NUP153: variants seen among roughly 807,000 people sequenced by gnomAD.
The protein encoded by NUP153 is nuclear pore complex protein Nup153.
A neutral mutation model predicts 134.6 loss-of-function variants in NUP153; 27 were observed. That is an observed-to-expected ratio of 0.20 (90% CI 0.15 to 0.28). The LOEUF (loss-of-function observed/expected upper bound fraction) is 0.28. Ranked by LOEUF, NUP153 falls within the 10% of genes least tolerant of loss-of-function variation. NUP153 has a pLI of 1.00. For synonymous variants in NUP153, 640 were observed against 623.5 expected, an observed-to-expected ratio of 1.03 and a Z score of -0.40; for missense variants, 1,821 against 1,731.3, an observed-to-expected ratio of 1.05 and a Z score of -0.92.
chr6:17,657,013 T>C (rs1309012203), intron 11 of NUP153, among the ~76,000 whole-genome samples: 2 of 152,222 alleles, frequency 1.3e-5, no homozygotes, highest in Admixed American at 1.3e-4. Flanking sequence ...ATCTGCCATC[T>C]TGTAAGTTCA....
intron 8 of NUP153, among the ~76,000 whole-genome samples, chr6:17,667,417 T>C (rs1561888794): frequency 6.6e-6 from 1 of 152,166 alleles, no homozygotes; most frequent in Non-Finnish European, 1.5e-5. Context: ...AGAAATGTTT[T>C]CAAAAGAAAA....
Position 17,629,321 on chromosome 6 carries a change from T to C in NUP153, c.2878A>G (p.Lys960Glu). 3 of 1,607,142 alleles carry C rather than the reference T, an allele frequency of 1.9e-6. No individual in the cohort carries two copies. Among genetic ancestry groups the C allele is most frequent in the Non-Finnish European group, 2.5e-6 (3 of 1,178,268 alleles). ...TTAGATTCAGATGAAACTCCAAATT[T>C]AAAATCTCCTATTGGTTTAGAAAAT... ...FKFSKPIGDFKFGVSSESKPE... is the reference protein window; with the variant it reads ...FKFSKPIGDFEFGVSSESKPE... The change falls in exon 18 of 22, where the codon AAA (lysine) becomes GAA (glutamate). Residue 960 changes from lysine to glutamate, a missense_variant. By Grantham distance (56) the Lys-to-Glu change is moderately conservative. Transcript: ENST00000262077.
At chr6:17,699,271 C>G (rs1487285740) in intron 1 of NUP153, among the ~76,000 whole-genome samples, 1 of 150,946 alleles carries the variant, frequency 6.6e-6, no homozygotes, top group Non-Finnish European at 1.5e-5. Flanking sequence ...CTGAGGCAGG[C>G]AGATCACAAG....
intron 16 of NUP153, among the ~76,000 whole-genome samples, chr6:17,635,534 T>C (rs1033693293): frequency 1.3e-4 from 20 of 152,170 alleles, no homozygotes; most frequent in Admixed American, 4.6e-4. Context: ...CCTAAGTAGC[T>C]GGGACTATAG....
At chr6:17,662,963 A>C (rs1254824038) in intron 9 of NUP153, among the ~76,000 whole-genome samples, 2 of 152,172 alleles carry the variant, frequency 1.3e-5, no homozygotes, top group Admixed American at 1.3e-4. Context: ...AGACTAAAGG[A>C]GATGAAGAGA....
chr6:17,656,332 G>C (rs1766820151), intron 11 of NUP153, among the ~76,000 whole-genome samples: 1 of 152,190 alleles, frequency 6.6e-6, no homozygotes. Flanking sequence ...GGAAGGACTG[G>C]GTGAAGAATC....
At position 17,626,313 on chromosome 6, in the gene NUP153, T is replaced by A. The variant is rs947583050; in HGVS notation, c.3545-149A>T. ...TATAGATTACTTCATCAAATGGACA[T>A]CTGTTTATATTAGATTTTGACAAAG... On this transcript the variant is annotated intron_variant, in intron 18 of 21. Coordinates refer to ENST00000262077, the MANE Select transcript of NUP153 (RefSeq NM_005124.4). 12 of 620,500 alleles carry A rather than the reference T, an allele frequency of 1.9e-5. No homozygotes were observed. The African/African-American group carries it at 2.2e-4, about 11-fold the overall frequency. The allele number at this position is 620,500 out of a possible 1,614,324, so 38.4% of individuals were successfully genotyped here. A position where few individuals can be genotyped will look rare whatever the true frequency, so the allele number is the denominator to read the frequency against.
Position 17,637,330 on chromosome 6 carries a change from C to G in NUP153, c.2287G>C (p.Val763Leu), listed in dbSNP as rs1201068924. Residue 763 changes from valine (V) to leucine (L), a missense_variant, in exon 16 of 22, where the codon GTT (valine) becomes CTT (leucine). Val to Leu is a conservative substitution (Grantham distance 32). Transcript: ENST00000262077. Reference sequence around the variant, plus strand: ...GTCATAGTCTCAGCACTTTCCGAAACCACTGTCAATGTAAGGGCTCGCTTC... The same window carrying G: ...GTCATAGTCTCAGCACTTTCCGAAAGCACTGTCAATGTAAGGGCTCGCTTC... ...CVKRALTLTV[V>L]SESAETMTAS... 1.2e-6 allele frequency: 2 copies of G among 1,614,190 alleles called. No individual in the cohort carries two copies. Among genetic ancestry groups the G allele is most frequent in the Non-Finnish European group, 1.7e-6 (2 of 1,180,050 alleles).
chr6:17,676,003 C>T (rs1043223054), intron 2 of NUP153, among the ~76,000 whole-genome samples: 7 of 151,934 alleles, frequency 4.6e-5, no homozygotes, highest in African/African-American at 1.5e-4. Context: ...TGATGTGATA[C>T]GATACAACAG....
Position 17,674,888 on chromosome 6 carries a change from C to T in NUP153, c.852+17G>A. ...AAAAGAAAAAAAAAGATCATCAACC[C>T]TTCTATTGGAACCTACCTGATAAGG... On this transcript the variant is annotated intron_variant, in intron 5 of 21. Transcript: ENST00000262077. 6.5e-7 allele frequency: 1 copy of T among 1,535,398 alleles called. No homozygotes were observed. The highest frequency in any genetic ancestry group is 8.7e-7 in the Non-Finnish European group (1 of 1,144,960).
chr6:17,672,449 G>A (rs1323640480), intron 5 of NUP153, among the ~76,000 whole-genome samples: 1 of 152,036 alleles, frequency 6.6e-6, no homozygotes, highest in Non-Finnish European at 1.5e-5. Context: ...GGTGGCACAC[G>A]CCTGTGGTCC....
At chr6:17,618,470 G>C (rs1032202945) in intron 20 of NUP153, among the ~76,000 whole-genome samples, 1 of 148,210 alleles carries the variant, frequency 6.7e-6, no homozygotes, top group South Asian at 2.1e-4. Flanking sequence ...AGAGTTGGGT[G>C]GGGGGGAACC....
At chr6:17,644,823 C>T (rs917294030) in intron 14 of NUP153, among the ~76,000 whole-genome samples, 79 of 152,200 alleles carry the variant, frequency 5.2e-4, no homozygotes, top group African/African-American at 1.8e-3. Flanking sequence ...CGGTGGTTCA[C>T]GCCTGTAATC....
At chr6:17,677,313 G>A (rs1247908068) in intron 2 of NUP153, among the ~76,000 whole-genome samples, 1 of 151,492 alleles carries the variant, frequency 6.6e-6, no homozygotes, top group Non-Finnish European at 1.5e-5. Context: ...CTCTTCAGAG[G>A]AAGATGACAG....
intron 1 of NUP153, among the ~76,000 whole-genome samples, chr6:17,689,426 C>A (rs957114363): frequency 2.0e-5 from 3 of 151,126 alleles, no homozygotes; most frequent in African/African-American, 7.3e-5. Context: ...CAAAAAAAAA[C>A]AATCCAACAA....
At chr6:17,651,190 G>A (rs573068217) in intron 11 of NUP153, among the ~76,000 whole-genome samples, 17 of 152,024 alleles carry the variant, frequency 1.1e-4, no homozygotes, top group Non-Finnish European at 2.5e-4. Flanking sequence ...TGTAGTCCCA[G>A]TACCTGGGAG....
In NUP153 at chr6:17,651,800, A is replaced by G. The variant is rs1344482702; in HGVS notation, c.1396-2500T>C. The G allele has an allele frequency of 1.6e-5, 9 of 564,384 alleles. No homozygotes were observed. The Admixed American group carries it at 2.0e-4, about 12-fold the overall frequency. 35.0% of individuals were successfully genotyped at this position (564,384 alleles called of 1,614,324 possible). The stretch of plus-strand genomic sequence containing the variant: ...CTCATGAGGGCCTCAAAATCCATGA[A>G]ACAAAAATTGAGGTTAGGCATGGTA... On this transcript the variant is annotated intron_variant, in intron 11 of 21. Coordinates refer to ENST00000262077, the MANE Select transcript of NUP153 (RefSeq NM_005124.4).
At chr6:17,631,700 C>T (rs541057899) in intron 17 of NUP153, among the ~76,000 whole-genome samples, 111 of 152,148 alleles carry the variant, frequency 7.3e-4, no homozygotes, top group African/African-American at 2.6e-3. Flanking sequence ...GGCGTGTTGG[C>T]TCACGCCTGT....
Position 17,675,809 on chromosome 6 carries a change from A to C in NUP153, c.335-39T>G, listed in dbSNP as rs1162023380. Reference sequence around the variant, plus strand: ...CATTAATATTATGAATATACAACTTAGAGCGATACACTACCACAAATGGTT... The same window carrying C: ...CATTAATATTATGAATATACAACTTCGAGCGATACACTACCACAAATGGTT... On this transcript the variant is annotated intron_variant, in intron 2 of 21. Coordinates refer to ENST00000262077, the MANE Select transcript of NUP153 (RefSeq NM_005124.4). This position sits in a 1 kb window ranked among gnomAD's most constrained non-coding sequence, Gnocchi z 4.4. 1.9e-6 allele frequency: 3 copies of C among 1,581,494 alleles called. No homozygotes were observed. The highest frequency in any genetic ancestry group is 2.2e-5 in the South Asian group (2 of 90,188).
Sources: allele counts gnomAD v4.1 joint callset (sites outside exome capture counted in the v4.1 genomes callset), GRCh38; gene constraint gnomAD v4.1.1; non-coding constraint Gnocchi (gnomAD v3.1); transcripts MANE v1.5; gene names NCBI Gene and HGNC (gene_info 2026-07-23, HGNC 2026-07-21).